The following WIPF1 variants were observed in gnomAD, a reference collection of about 807,000 sequenced individuals.
WIPF1 encodes WAS/WASL interacting protein family member 1.
In WIPF1, 13 loss-of-function variants were observed where a neutral mutation model predicts 35.4. The ratio of observed to expected loss-of-function variants is 0.37; its 90% CI spans 0.24 to 0.58. The LOEUF is 0.58. Ranked by LOEUF, WIPF1 falls within the 20% of genes least tolerant of loss-of-function variation. WIPF1 has a pLI of 0.74. For synonymous variants in WIPF1, 267 were observed against 266.3 expected (o/e 1.00, Z -0.02); for missense variants, 591 against 667.0 (o/e 0.89, Z 1.25).
chr2:174,589,432 C>T (rs1685536096), intron 1 of WIPF1, among the ~76,000 whole-genome samples: 2 of 152,142 alleles, frequency 1.3e-5, no homozygotes, highest in Non-Finnish European at 2.9e-5. Flanking sequence ...TCCAACTTCC[C>T]CAGAGAAGTA....
At chr2:174,596,165 T>C (rs1192111171) in intron 1 of WIPF1, among the ~76,000 whole-genome samples, 1 of 152,176 alleles carries the variant, frequency 6.6e-6, no homozygotes, top group African/African-American at 2.4e-5. Flanking sequence ...ACCCAGAGTA[T>C]GTGTAACCCT....
At position 174,677,590 on chromosome 2, in the gene WIPF1, G is replaced by A. The variant is rs1466713750; in HGVS notation, c.-39+5184C>T. ...GTTAAGAAGCATGTTCTTACAACGT[G>A]AACCATGCTTATCAAAGCTCCTAAA... On this transcript the variant is annotated intron_variant, in intron 1 of 8. Coordinates refer to the WIPF1 transcript ENST00000272746. Among the ~76,000 whole-genome samples the A allele has an allele frequency of 2.0e-5, 3 of 152,322 alleles. No individual in the cohort carries two copies. The East Asian group carries it at 5.8e-4, about 29-fold the overall frequency.
chr2:174,657,323 T>G (rs1253108942), intron 1 of WIPF1, among the ~76,000 whole-genome samples: 2 of 152,232 alleles, frequency 1.3e-5, no homozygotes, highest in Non-Finnish European at 2.9e-5. Context: ...TAGGTAAAAT[T>G]ATCAATGTAT....
At position 174,575,291 on chromosome 2, in the gene WIPF1, T is replaced by C; in HGVS notation, c.271A>G (p.Ser91Gly). Residue 91 changes from serine (S) to glycine (G), a missense_variant, in exon 4 of 8, where the codon AGT becomes GGT. Coordinates refer to ENST00000679041, the MANE Select transcript of WIPF1 (RefSeq NM_001375834.1). ...CCTGGAGGTCCGCCCCCTCCAAAAC[T>C]TCCACCGCCTCCGCCACCACCTCCT... ...GGGGGGGGGG[S>G]FGGGGPPGLG... 6.2e-7 allele frequency: 1 copy of C among 1,613,734 alleles called. No individual in the cohort carries two copies. Among genetic ancestry groups the C allele is most frequent in the Non-Finnish European group, 8.5e-7 (1 of 1,179,834 alleles).
At chr2:174,596,392 G>C (rs367946655) in intron 1 of WIPF1, among the ~76,000 whole-genome samples, 3 of 152,190 alleles carry the variant, frequency 2.0e-5, no homozygotes, top group East Asian at 1.9e-4. Flanking sequence ...TGTAGTCCAA[G>C]TGAATTGTAA....
chr2:174,624,077 A>G (rs1417068183), intron 1 of WIPF1, among the ~76,000 whole-genome samples: 1 of 152,222 alleles, frequency 6.6e-6, no homozygotes, highest in African/African-American at 2.4e-5. Context: ...AAATAGATCA[A>G]CTTTGAAAAC....
chr2:174,563,622 A>C (rs1684554040), intron 7 of WIPF1, among the ~76,000 whole-genome samples: 2 of 152,230 alleles, frequency 1.3e-5, no homozygotes, highest in South Asian at 4.1e-4. Context: ...GTCCACTGTA[A>C]CTAGGCTTAA....
chr2:174,658,104 G>A (rs1687685155), intron 1 of WIPF1, among the ~76,000 whole-genome samples: 1 of 152,124 alleles, frequency 6.6e-6, no homozygotes, highest in Non-Finnish European at 1.5e-5. Flanking sequence ...ATTAGGCTGT[G>A]GGGAGAGGAC....
Position 174,621,564 on chromosome 2 carries a change from T to C in WIPF1, c.-38-35953A>G, listed in dbSNP as rs985328729. 9.2e-5 allele frequency among the ~76,000 whole-genome samples: 14 copies of C among 152,026 alleles called. No homozygotes were observed. In the East Asian group the frequency reaches 2.7e-3, roughly 29 times the overall value. The stretch of plus-strand genomic sequence containing the variant: ...TGTCTGTATATAGGTAGAACAGCAC[T>C]GTCCACTAAAAATACAATGCAAGCC... On this transcript the variant is annotated intron_variant, in intron 1 of 8. Transcript: ENST00000272746.
At chr2:174,653,458 G>A (rs748667075) in intron 1 of WIPF1, among the ~76,000 whole-genome samples, 7 of 152,026 alleles carry the variant, frequency 4.6e-5, no homozygotes, top group Non-Finnish European at 1.0e-4. Context: ...AGTTCAGGCC[G>A]GGTGCGGTGG....
intron 2 of WIPF1, among the ~76,000 whole-genome samples, chr2:174,582,574 T>A (rs974046008): frequency 3.3e-5 from 5 of 151,990 alleles, no homozygotes; most frequent in African/African-American, 1.2e-4. Flanking sequence ...AGAGACAGAG[T>A]CTCATTATGT....
chr2:174,675,419 T>C (rs189584291), intron 1 of WIPF1, among the ~76,000 whole-genome samples: 234 of 152,308 alleles, frequency 1.5e-3, no homozygotes, highest in African/African-American at 5.4e-3. Context: ...TGCAGTGGCA[T>C]GATCATAGCT....
At chr2:174,670,415 T>C (rs1337698558) in intron 1 of WIPF1, among the ~76,000 whole-genome samples, 1 of 152,198 alleles carries the variant, frequency 6.6e-6, no homozygotes, top group Non-Finnish European at 1.5e-5. Flanking sequence ...CAGAAAGCCC[T>C]TGTCACAACC....
intron 1 of WIPF1, among the ~76,000 whole-genome samples, chr2:174,641,977 T>C (rs1365169611): frequency 6.6e-5 from 10 of 152,216 alleles, no homozygotes; most frequent in African/African-American, 2.4e-4. Flanking sequence ...TTCAGTTCTA[T>C]CGGTGCAGAG....
intron 1 of WIPF1, among the ~76,000 whole-genome samples, chr2:174,587,012 A>C (rs1055236769): frequency 6.6e-6 from 1 of 152,130 alleles, no homozygotes; most frequent in East Asian, 1.9e-4. Flanking sequence ...AAATTTTTTT[A>C]AATTTTTTTT....
At chr2:174,578,143 C>T (rs1301512655) in intron 3 of WIPF1, among the ~76,000 whole-genome samples, 1 of 152,070 alleles carries the variant, frequency 6.6e-6, no homozygotes, top group African/African-American at 2.4e-5. Context: ...TGGCCTCTAC[C>T]CACTAGATGT....
chr2:174,627,896 T>C (rs536858883), intron 1 of WIPF1, among the ~76,000 whole-genome samples: 25 of 152,278 alleles, frequency 1.6e-4, no homozygotes, highest in African/African-American at 5.5e-4. Context: ...CATCTCATTT[T>C]TTAATTTTAA....
chr2:174,634,693 T>A (rs1334024458), intron 1 of WIPF1: 1 of 152,236 alleles, frequency 6.6e-6, no homozygotes, highest in Non-Finnish European at 1.5e-5. Flanking sequence ...TTGCTTCACA[T>A]GGGGGTAACC....
In WIPF1 at chr2:174,571,772, TGGACGAACTGAG is replaced by T; in HGVS notation, c.1021_1032del (p.Leu341_Ser344del). On this transcript the variant is annotated inframe_deletion, in exon 5 of 8. Coordinates refer to ENST00000679041, the MANE Select transcript of WIPF1 (RefSeq NM_001375834.1). This position sits in a 1 kb window ranked among gnomAD's most constrained non-coding sequence, Gnocchi z 4.6. ...CGTCCTGGCGAAGGTAACGGGGGCGTGGACGAACTGAGGGACAGATTCCGCTGTGGGAGTCTT... is the reference window on the plus strand; with the variant it reads ...CGTCCTGGCGAAGGTAACGGGGGCGTGGACAGATTCCGCTGTGGGAGTCTT... The T allele has an allele frequency of 6.2e-7, 1 of 1,613,940 alleles. No homozygotes were observed. The highest frequency in any genetic ancestry group is 8.5e-7 in the Non-Finnish European group (1 of 1,179,994).
Sources: allele counts gnomAD v4.1 joint callset (sites outside exome capture counted in the v4.1 genomes callset), GRCh38; gene constraint gnomAD v4.1.1; non-coding constraint Gnocchi (gnomAD v3.1); transcripts MANE v1.5; gene names NCBI Gene and HGNC (gene_info 2026-07-23, HGNC 2026-07-21).